SDHB: variants seen among roughly 807,000 people sequenced by gnomAD.
SDHB encodes the protein succinate dehydrogenase [ubiquinone] iron-sulfur subunit, mitochondrial.
In SDHB, 21 loss-of-function variants were observed where a neutral mutation model predicts 39.7. The ratio of observed to expected loss-of-function variants is 0.53; its 90% CI spans 0.37 to 0.76. The LOEUF is 0.76. Among genes scored for constraint, SDHB ranks in the 30% least tolerant of loss-of-function variants. The probability of loss-of-function intolerance (pLI) is 0.00; values close to 1 mark genes in which losing one functional copy is unlikely to be tolerated. For missense variants in SDHB, 343 were observed against 350.9 expected (o/e 0.98, Z 0.18); for synonymous variants, 118 against 117.0 (o/e 1.01, Z -0.06).
chr1:17,041,674 T>TA (rs2078080827), intron 2 of SDHB, among the ~76,000 whole-genome samples: 1 of 151,590 alleles, frequency 6.6e-6, no homozygotes, highest in South Asian at 2.1e-4. Flanking sequence ...AATAAAAAAA[T>TA]AAAAAAGAAA....
rs1315001758 is a variant in SDHB at position 17,024,895 on chromosome 1, CT to C, written c.541-822del. On this transcript the variant is annotated intron_variant, in intron 5 of 7. Transcript: ENST00000375499. ...ACAGTTGAGAACAGATGAGACAGAA[CT>C]GATGGTTGTGATTGAACCATGAGTC... is the stretch of plus-strand genomic sequence containing the variant. Among the ~76,000 whole-genome samples the C allele has an allele frequency of 4.6e-5, 7 of 152,326 alleles. No individual in the cohort carries two copies. The East Asian group carries it at 1.3e-3, about 29-fold the overall frequency.
At chr1:17,026,760 G>A (rs536746292) in intron 5 of SDHB, among the ~76,000 whole-genome samples, 1 of 152,158 alleles carries the variant, frequency 6.6e-6, no homozygotes, top group South Asian at 2.1e-4. Flanking sequence ...TCATACAACT[G>A]ATACTTTTCA....
chr1:17,051,163 AT>A (rs892764828), intron 1 of SDHB, among the ~76,000 whole-genome samples: 2 of 152,190 alleles, frequency 1.3e-5, no homozygotes, highest in Admixed American at 6.5e-5. Flanking sequence ...AGACTATATG[AT>A]TTTTTTCCCC....
chr1:17,022,684 C>A lies in SDHB; in HGVS notation c.689G>T (p.Arg230Leu), dbSNP rs587782604. 1.2e-6 allele frequency: 2 copies of A among 1,613,892 alleles called. No individual in the cohort carries two copies. Among genetic ancestry groups the A allele is most frequent in the Non-Finnish European group, 1.7e-6 (2 of 1,179,882 alleles). ...IDSRDDFTEE[R>L]LAKLQDPFSL... ...GAATGGGTCCTGCAGCTTGGCCAGG[C>A]GCTCCTCTGTGAAGTCATCTCTGGA... Residue 230 changes from arginine to leucine, a missense_variant, in exon 7 of 8, where the codon CGC (arginine) becomes CTC (leucine). By Grantham distance (102) the Arg-to-Leu change is moderately radical. Transcript: ENST00000375499.
chr1:17,019,430 T>C (rs1388162817), intron 7 of SDHB, among the ~76,000 whole-genome samples: 5 of 152,192 alleles, frequency 3.3e-5, no homozygotes, highest in African/African-American at 1.2e-4. Flanking sequence ...TGTAAAACCA[T>C]GATGATTTCA....
At chr1:17,022,063 C>T (rs914962457) in intron 7 of SDHB, among the ~76,000 whole-genome samples, 8 of 152,060 alleles carry the variant, frequency 5.3e-5, no homozygotes, top group South Asian at 2.1e-4. Context: ...GGGAGGCAGG[C>T]GGGTGGCTGA....
intron 1 of SDHB, among the ~76,000 whole-genome samples, chr1:17,051,246 A>C (rs2078145733): frequency 6.6e-6 from 1 of 152,232 alleles, no homozygotes; most frequent in Admixed American, 6.5e-5. Context: ...TTTTTACGTT[A>C]ATCTAAAGAC....
At chr1:17,047,014 G>C (rs531703388) in intron 1 of SDHB, among the ~76,000 whole-genome samples, 2 of 152,294 alleles carry the variant, frequency 1.3e-5, no homozygotes, top group South Asian at 4.1e-4. Flanking sequence ...ACCGTGCCTG[G>C]CCAACCTTTT....
intron 3 of SDHB, chr1:17,032,676 ACT>A (rs2078029900): frequency 6.2e-6 from 2 of 323,094 alleles, no homozygotes; most frequent in Admixed American, 9.0e-5. Flanking sequence ...GCTGAGGGAG[ACT>A]CACACATCTC....
At chr1:17,020,520 T>G (rs1454630255) in intron 7 of SDHB, among the ~76,000 whole-genome samples, 3 of 152,212 alleles carry the variant, frequency 2.0e-5, no homozygotes, top group Non-Finnish European at 4.4e-5. Flanking sequence ...CTCAGTTGTC[T>G]GCTGCACCCA....
intron 1 of SDHB, among the ~76,000 whole-genome samples, chr1:17,050,551 C>T (rs1467131358): frequency 2.0e-5 from 3 of 151,144 alleles, no homozygotes; most frequent in East Asian, 3.9e-4. Context: ...CTTGGGAGGC[C>T]GAGGCAGGAG....
At chr1:17,024,995 G>A (rs2077983986) in intron 5 of SDHB, among the ~76,000 whole-genome samples, 1 of 152,110 alleles carries the variant, frequency 6.6e-6, no homozygotes, top group South Asian at 2.1e-4. Context: ...GAAGGCATAA[G>A]GTCACAGGAT....
chr1:17,048,545 T>G (rs1389074805), intron 1 of SDHB, among the ~76,000 whole-genome samples: 1 of 151,988 alleles, frequency 6.6e-6, no homozygotes, highest in Non-Finnish European at 1.5e-5. Context: ...ACAAGTTTAG[T>G]TTTTTTTAAG....
At chr1:17,030,216 T>G (rs911878789) in intron 3 of SDHB, among the ~76,000 whole-genome samples, 3 of 152,102 alleles carry the variant, frequency 2.0e-5, no homozygotes, top group African/African-American at 4.8e-5. Flanking sequence ...AATTGTTTTT[T>G]GTAGAGCAGG....
chr1:17,027,474 T>A (rs535388334), intron 5 of SDHB, among the ~76,000 whole-genome samples: 13 of 152,328 alleles, frequency 8.5e-5, no homozygotes, highest in Admixed American at 7.2e-4. Flanking sequence ...ATTTACATAC[T>A]GGTTTCTTTT....
At chr1:17,033,265 T>C in intron 2 of SDHB, 120 bp from the exon 3 acceptor site, 1 of 812,534 alleles carries the variant, frequency 1.2e-6, no homozygotes, top group Non-Finnish European at 2.1e-6. Context: ...TCAGGTCACC[T>C]TCGGAATTTG....
intron 1 of SDHB, among the ~76,000 whole-genome samples, chr1:17,047,380 A>T (rs1290834834): frequency 6.6e-6 from 1 of 151,690 alleles, no homozygotes; most frequent in Non-Finnish European, 1.5e-5. Context: ...AAACAAAAAG[A>T]AGAAAATAAT....
rs76861060 is a variant in SDHB at position 17,045,091 on chromosome 1, T to C, written c.73-203A>G. On this transcript the variant is annotated intron_variant, in intron 1 of 7. Transcript: ENST00000375499. ...ATATATCAGACATGGTATTAGGGGC[T>C]AGTGACACAGCACTTAATACACAAA... 0.062 allele frequency: 35,528 copies of C among 572,756 alleles called. 1,358 individuals are homozygous for C. The highest frequency in any genetic ancestry group is 0.12 in the Middle Eastern group (247 of 2,084). The allele number at this position is 572,756 out of a possible 1,614,324, so 35.5% of individuals were successfully genotyped here.
intron 7 of SDHB, among the ~76,000 whole-genome samples, chr1:17,019,752 A>G (rs1047656128): frequency 2.0e-5 from 3 of 152,162 alleles, no homozygotes; most frequent in African/African-American, 4.8e-5. Context: ...GAAAAAATAT[A>G]TATTTTTTTG....
Sources: allele counts gnomAD v4.1 joint callset (sites outside exome capture counted in the v4.1 genomes callset), GRCh38; gene constraint gnomAD v4.1.1; transcripts MANE v1.5; gene names NCBI Gene and HGNC (gene_info 2026-07-23, HGNC 2026-07-21).